Variants in PRKCA observed in about 807,000 individuals in gnomAD.
PRKCA encodes protein kinase C alpha, also known as protein kinase C alpha type.
PRKCA carries 27 observed loss-of-function variants against 87.0 expected under a neutral mutation model. That is an observed-to-expected ratio of 0.31 (90% CI 0.23 to 0.43). The LOEUF is 0.43. PRKCA is among the 20% of genes least tolerant of loss of function. The pLI, the probability that PRKCA is intolerant of heterozygous loss-of-function variation, is 1.00. For synonymous variants in PRKCA, 329 were observed against 311.1 expected, an observed-to-expected ratio of 1.06 and a Z score of -0.61; for missense variants, 518 against 852.3, an observed-to-expected ratio of 0.61 and a Z score of 4.88.
intron 2 of PRKCA, among the ~76,000 whole-genome samples, chr17:66,410,393 G>A (rs1025119997): frequency 8.5e-5 from 13 of 152,086 alleles, no homozygotes; most frequent in African/African-American, 3.1e-4. Flanking sequence ...ACTGAAAACT[G>A]GACTAAGTCA....
intron 2 of PRKCA, among the ~76,000 whole-genome samples, chr17:66,381,827 G>A (rs1909789116): frequency 6.6e-6 from 1 of 152,134 alleles, no homozygotes; most frequent in Non-Finnish European, 1.5e-5. Flanking sequence ...TGTTTCCAAA[G>A]CAACAGCATG....
intron 3 of PRKCA, among the ~76,000 whole-genome samples, chr17:66,500,862 G>A (rs8076564): frequency 0.026 from 3,989 of 152,128 alleles, 172 homozygotes; most frequent in African/African-American, 0.091. Flanking sequence ...GGCTCAGTGA[G>A]GAAGACCAGT....
chr17:66,675,893 C>T (rs1293803044), intron 5 of PRKCA, among the ~76,000 whole-genome samples: 1 of 152,192 alleles, frequency 6.6e-6, no homozygotes, highest in Admixed American at 6.5e-5. Context: ...CGTGTCCCAC[C>T]CTTGCCAGGG....
At chr17:66,655,381 C>G (rs1177292412) in intron 5 of PRKCA, among the ~76,000 whole-genome samples, 3 of 152,170 alleles carry the variant, frequency 2.0e-5, no homozygotes, top group African/African-American at 7.2e-5. Flanking sequence ...AGCAGCTTCC[C>G]CACTGTGGCA....
intron 2 of PRKCA, among the ~76,000 whole-genome samples, chr17:66,404,708 A>G (rs1397084080): frequency 2.6e-5 from 3 of 114,734 alleles, no homozygotes; most frequent in Non-Finnish European, 5.1e-5. Context: ...TGTTCCACAC[A>G]CTCCCATGCT....
intron 5 of PRKCA, among the ~76,000 whole-genome samples, chr17:66,682,017 C>G (rs925993107): frequency 2.0e-5 from 3 of 152,206 alleles, no homozygotes; most frequent in African/African-American, 7.2e-5. Flanking sequence ...GCACCTGTGG[C>G]TTAGATTCTC....
At chr17:66,622,720 G>A (rs774011331) in intron 3 of PRKCA, among the ~76,000 whole-genome samples, 2 of 152,332 alleles carry the variant, frequency 1.3e-5, no homozygotes, top group East Asian at 1.9e-4. Context: ...GGCTGGGGAG[G>A]CCTCACAATC....
chr17:66,563,093 C>T (rs1281313467), intron 3 of PRKCA, among the ~76,000 whole-genome samples: 1 of 151,930 alleles, frequency 6.6e-6, no homozygotes, highest in East Asian at 1.9e-4. Flanking sequence ...TACAGTGTTC[C>T]CTTATACCTG....
At chr17:66,739,789 TG>T (rs1263265060) in intron 11 of PRKCA, among the ~76,000 whole-genome samples, 1 of 148,920 alleles carries the variant, frequency 6.7e-6, no homozygotes, top group African/African-American at 2.5e-5. Flanking sequence ...ACGTGGTAGG[TG>T]GGGCTCTGGG....
intron 8 of PRKCA, among the ~76,000 whole-genome samples, chr17:66,719,984 T>A (rs1014234292): frequency 6.6e-6 from 1 of 152,200 alleles, no homozygotes; most frequent in African/African-American, 2.4e-5. Context: ...TCTGCAAATA[T>A]TTGAGGACCA....
intron 9 of PRKCA, among the ~76,000 whole-genome samples, chr17:66,734,564 G>C (rs576932066): frequency 1.3e-5 from 2 of 152,162 alleles, no homozygotes; most frequent in Non-Finnish European, 2.9e-5. Context: ...CTTGGATTTG[G>C]TGCGTTTTGG....
At chr17:66,352,096 A>G (rs749173475) in intron 2 of PRKCA, among the ~76,000 whole-genome samples, 40 of 152,272 alleles carry the variant, frequency 2.6e-4, no homozygotes, top group African/African-American at 7.9e-4. Context: ...CCCAAGTCCA[A>G]TGAACTCTGC....
intron 3 of PRKCA, among the ~76,000 whole-genome samples, chr17:66,603,534 TAG>T (rs895856243): frequency 1.3e-4 from 20 of 152,172 alleles, no homozygotes; most frequent in African/African-American, 3.9e-4. Flanking sequence ...TGGGCTTTGG[TAG>T]ACAGAGAGAG....
At chr17:66,438,959 A>G (rs1567829021) in intron 2 of PRKCA, among the ~76,000 whole-genome samples, 1 of 152,172 alleles carries the variant, frequency 6.6e-6, no homozygotes, top group African/African-American at 2.4e-5. Flanking sequence ...CAGCCAAACC[A>G]TATCAGTGAT....
chr17:66,796,541 C>T, intron 16 of PRKCA: 1 of 985,328 alleles, frequency 1.0e-6, no homozygotes, highest in South Asian at 4.7e-5. Context: ...AGCAAACTAA[C>T]CCCACTTTAT....
At chr17:66,692,445 A>C (rs755782904) in intron 8 of PRKCA, among the ~76,000 whole-genome samples, 1 of 152,156 alleles carries the variant, frequency 6.6e-6, no homozygotes, top group Non-Finnish European at 1.5e-5. Flanking sequence ...TCAATCACGT[A>C]ATGGTGTTTT....
intron 2 of PRKCA, among the ~76,000 whole-genome samples, chr17:66,385,782 G>A (rs530769543): frequency 1.3e-5 from 2 of 151,998 alleles, no homozygotes; most frequent in East Asian, 1.9e-4. Context: ...TTTTTTTTCC[G>A]AGACGGCATC....
intron 8 of PRKCA, among the ~76,000 whole-genome samples, chr17:66,705,507 G>A (rs1973168971): frequency 6.6e-6 from 1 of 152,252 alleles, no homozygotes; most frequent in Admixed American, 6.5e-5. Flanking sequence ...AAAAGATTGT[G>A]CATTCTAGTT....
chr17:66,505,250 C>G (rs932950527), intron 3 of PRKCA, among the ~76,000 whole-genome samples: 1 of 152,094 alleles, frequency 6.6e-6, no homozygotes, highest in African/African-American at 2.4e-5. Flanking sequence ...TATCCTCATC[C>G]GTAGTTCTGA....
Sources: allele counts gnomAD v4.1 joint callset (sites outside exome capture counted in the v4.1 genomes callset), GRCh38; gene constraint gnomAD v4.1.1; transcripts MANE v1.5; gene names NCBI Gene and HGNC (gene_info 2026-07-23, HGNC 2026-07-21).